Variants in KCNIP4 observed in about 807,000 individuals in gnomAD.
KCNIP4 encodes potassium voltage-gated channel interacting protein 4, also known as Kv channel-interacting protein 4.
A neutral mutation model predicts 34.0 loss-of-function variants in KCNIP4; 12 were observed. That is an observed-to-expected ratio of 0.35 (90% CI 0.23 to 0.57). The LOEUF is 0.57. Ranked by LOEUF, KCNIP4 falls within the 20% of genes least tolerant of loss-of-function variation. The pLI, the probability that KCNIP4 is intolerant of heterozygous loss-of-function variation, is 0.83. For synonymous variants in KCNIP4, 124 were observed against 102.2 expected (o/e 1.21, Z -1.29); for missense variants, 238 against 311.7 (o/e 0.76, Z 1.78).
intron 1 of KCNIP4, among the ~76,000 whole-genome samples, chr4:21,307,152 A>T (rs1424567680): frequency 6.6e-6 from 1 of 152,154 alleles, no homozygotes; most frequent in East Asian, 1.9e-4. Flanking sequence ...ACTATTGAAG[A>T]GCATCAGAGT....
At chr4:21,119,420 A>G (rs937227046) in intron 1 of KCNIP4, among the ~76,000 whole-genome samples, 1 of 142,600 alleles carries the variant, frequency 7.0e-6, no homozygotes, top group Non-Finnish European at 1.5e-5. Context: ...GAAAGTTGTG[A>G]GTACACTGAT....
chr4:21,368,125 G>A (rs1719970119), intron 1 of KCNIP4, among the ~76,000 whole-genome samples: 1 of 146,884 alleles, frequency 6.8e-6, no homozygotes, highest in Non-Finnish European at 1.5e-5. Flanking sequence ...TTTAGTTGGG[G>A]AGTCTCTACA....
chr4:21,105,992 G>T (rs1221150436), intron 1 of KCNIP4, among the ~76,000 whole-genome samples: 3 of 151,432 alleles, frequency 2.0e-5, no homozygotes, highest in Admixed American at 6.6e-5. Flanking sequence ...GCTGGATTCG[G>T]TTTGCCAGTA....
intron 1 of KCNIP4, among the ~76,000 whole-genome samples, chr4:21,649,162 A>T (rs1258300881): frequency 6.6e-6 from 1 of 152,194 alleles, no homozygotes; most frequent in Non-Finnish European, 1.5e-5. Flanking sequence ...TATATTGGAG[A>T]AATCACTGTT....
intron 3 of KCNIP4, among the ~76,000 whole-genome samples, chr4:20,848,702 A>G (rs1437980673): frequency 2.0e-5 from 3 of 152,166 alleles, no homozygotes; most frequent in Non-Finnish European, 4.4e-5. Context: ...CATTGGAATA[A>G]TAACATAGCA....
chr4:21,428,271 G>A lies in KCNIP4; in HGVS notation c.61+520300C>T, dbSNP rs539467832. ...CATCGTATAGTCGTTTTTAAAGTAG[G>A]AATTACTTGCATGCAATCCTTTTTA... is the stretch of plus-strand genomic sequence containing the variant. On this transcript the variant is annotated intron_variant, in intron 1 of 8. Transcript: ENST00000382152. Among the ~76,000 whole-genome samples, 8 of 152,240 alleles carry A rather than the reference G, an allele frequency of 5.3e-5. No homozygotes were observed. In the East Asian group the frequency reaches 1.5e-3, roughly 29 times the overall value.
At chr4:20,738,822 G>A (rs1336383049) in intron 5 of KCNIP4, among the ~76,000 whole-genome samples, 8 of 152,150 alleles carry the variant, frequency 5.3e-5, no homozygotes, top group African/African-American at 1.9e-4. Flanking sequence ...AAGGGGTTGG[G>A]GAATTCCCTT....
chr4:21,426,764 T>TA (rs35747905), intron 1 of KCNIP4, among the ~76,000 whole-genome samples: 156 of 147,176 alleles, frequency 1.1e-3, no homozygotes, highest in Middle Eastern at 6.9e-3. Context: ...GATAAACATG[T>TA]AAAAAAAAAA....
intron 1 of KCNIP4, among the ~76,000 whole-genome samples, chr4:21,173,732 C>T (rs1317424826): frequency 6.6e-6 from 1 of 152,152 alleles, no homozygotes; most frequent in Admixed American, 6.5e-5. Context: ...AAGCCGTGGA[C>T]CCCACCTGCT....
chr4:21,827,172 C>T (rs1442162265), intron 1 of KCNIP4, among the ~76,000 whole-genome samples: 1 of 151,888 alleles, frequency 6.6e-6, no homozygotes, highest in African/African-American at 2.4e-5. Flanking sequence ...AAATAAATTC[C>T]ATTTGTGTCT....
At chr4:21,523,360 T>C (rs940553468) in intron 1 of KCNIP4, among the ~76,000 whole-genome samples, 1 of 152,104 alleles carries the variant, frequency 6.6e-6, no homozygotes, top group Non-Finnish European at 1.5e-5. Context: ...TCAAATGCTA[T>C]ATTTAGTATG....
chr4:21,098,593 C>G (rs1338379396), intron 1 of KCNIP4, among the ~76,000 whole-genome samples: 1 of 152,086 alleles, frequency 6.6e-6, no homozygotes, highest in African/African-American at 2.4e-5. Flanking sequence ...ATGTGACTTA[C>G]TGAATATGTT....
chr4:21,061,092 G>C (rs1422756938), intron 1 of KCNIP4, among the ~76,000 whole-genome samples: 1 of 152,134 alleles, frequency 6.6e-6, no homozygotes, highest in East Asian at 1.9e-4. Context: ...GGTAGCACTT[G>C]TGGCAAGATC....
intron 1 of KCNIP4, among the ~76,000 whole-genome samples, chr4:21,488,774 C>T (rs1413371841): frequency 6.6e-6 from 1 of 152,022 alleles, no homozygotes; most frequent in African/African-American, 2.4e-5. Context: ...AAGTAAAATT[C>T]CTAATGATTA....
At chr4:21,309,223 A>G (rs1365168271) in intron 1 of KCNIP4, among the ~76,000 whole-genome samples, 28 of 152,164 alleles carry the variant, frequency 1.8e-4, no homozygotes, top group Admixed American at 1.8e-3. Flanking sequence ...GAAGAAGAGA[A>G]AGGGGGCGAA....
chr4:21,940,642 G>T (rs906100769), intron 1 of KCNIP4, among the ~76,000 whole-genome samples: 2 of 151,990 alleles, frequency 1.3e-5, no homozygotes, highest in South Asian at 4.1e-4. Context: ...ATCTTTATAA[G>T]CTACAAGTAG....
chr4:20,758,410 A>G (rs1266942353), intron 4 of KCNIP4, among the ~76,000 whole-genome samples: 3 of 152,162 alleles, frequency 2.0e-5, no homozygotes, highest in Non-Finnish European at 4.4e-5. Flanking sequence ...TGAGCAAACC[A>G]TTTACCTTCT....
intron 1 of KCNIP4, among the ~76,000 whole-genome samples, chr4:21,456,349 G>A (rs1374651727): frequency 6.8e-6 from 1 of 147,772 alleles, no homozygotes; most frequent in Non-Finnish European, 1.5e-5. Flanking sequence ...ACGTTTGAAT[G>A]ATGGCACATT....
chr4:20,802,414 C>G (rs181924181), intron 3 of KCNIP4, among the ~76,000 whole-genome samples: 1 of 151,796 alleles, frequency 6.6e-6, no homozygotes, highest in Non-Finnish European at 1.5e-5. Flanking sequence ...TAGTAGGGAA[C>G]TTTAATACTC....
Sources: gnomAD v4.1 joint callset for allele counts (sites outside exome capture counted in the v4.1 genomes callset) on GRCh38, gnomAD v4.1.1 for gene constraint, MANE v1.5 for transcripts, NCBI Gene and HGNC (gene_info 2026-07-23, HGNC 2026-07-21) for gene names.